Variants in TSPAN9 observed in about 807,000 individuals in gnomAD.
The protein encoded by TSPAN9 is tetraspanin-9.
In TSPAN9, 16 loss-of-function variants were observed where a neutral mutation model predicts 31.0. The observed-to-expected ratio is 0.52, with a 90% CI of 0.35 to 0.78. TSPAN9 has a LOEUF of 0.78. Ranked by LOEUF, TSPAN9 falls within the 30% of genes least tolerant of loss-of-function variation. The pLI, the probability that TSPAN9 is intolerant of heterozygous loss-of-function variation, is 0.01. For missense variants in TSPAN9, 272 were observed against 312.5 expected, an observed-to-expected ratio of 0.87 and a Z score of 0.98; for synonymous variants, 145 against 121.6, an observed-to-expected ratio of 1.19 and a Z score of -1.27.
In TSPAN9 at chr12:3,081,008, G is replaced by A. The variant is rs985560814; in HGVS notation, c.-84-2645G>A. Among the ~76,000 whole-genome samples the A allele has an allele frequency of 5.3e-5, 8 of 152,292 alleles. No homozygotes were observed. In the East Asian group the frequency reaches 5.8e-4, roughly 11 times the overall value. On this transcript the variant is annotated intron_variant, in intron 1 of 8. Coordinates refer to ENST00000011898, the MANE Select transcript of TSPAN9 (RefSeq NM_006675.5). ...GCACTGTTAAGTGAATGAGTGAGTG[G>A]GTTGGGACTTGGGCGGATGCCTTCA...
chr12:3,115,524 A>G (rs1301763302), intron 2 of TSPAN9, among the ~76,000 whole-genome samples: 1 of 152,222 alleles, frequency 6.6e-6, no homozygotes, highest in Non-Finnish European at 1.5e-5. Context: ...GCTTATAAAC[A>G]ATAGGCATTT....
rs554111388 is a variant in TSPAN9 at position 3,167,844 on chromosome 12, G to C, written c.-17-33333G>C. 4.1e-3 allele frequency among the ~76,000 whole-genome samples: 630 copies of C among 152,260 alleles called. 1 individual carries two copies. Among genetic ancestry groups the C allele is most frequent in the Non-Finnish European group, 5.9e-3 (398 of 68,004 alleles). On this transcript the variant is annotated intron_variant, in intron 2 of 8. Transcript: ENST00000011898. ...GGCTGGCATCAGTCTGGCTGGGGGT[G>C]GGGGAGCCTTAGACCACACCTGCAG...
chr12:3,159,958 A>G (rs1026445807), intron 2 of TSPAN9, among the ~76,000 whole-genome samples: 1 of 152,226 alleles, frequency 6.6e-6, no homozygotes, highest in African/African-American at 2.4e-5. Flanking sequence ...ACCTATTTGT[A>G]TATTTAATAT....
In TSPAN9 at chr12:3,147,085, A is replaced by G. The variant is rs1219054496; in HGVS notation, c.-17-54092A>G. Reference sequence around the variant, plus strand: ...GATTTTAAGGTGTTTGATTAAAACTAGCATTCTCTCCCCTTTTCTCCTTAC... The same window carrying G: ...GATTTTAAGGTGTTTGATTAAAACTGGCATTCTCTCCCCTTTTCTCCTTAC... On this transcript the variant is annotated intron_variant, in intron 2 of 8. Coordinates refer to ENST00000011898, the MANE Select transcript of TSPAN9 (RefSeq NM_006675.5). The surrounding 1 kb of genome is among the most constrained non-coding windows in gnomAD (Gnocchi z 4.3). 6.6e-6 allele frequency among the ~76,000 whole-genome samples: 1 copy of G among 152,004 alleles called. No individual in the cohort carries two copies. Among genetic ancestry groups the G allele is most frequent in the Non-Finnish European group, 1.5e-5 (1 of 67,968 alleles).
intron 2 of TSPAN9, among the ~76,000 whole-genome samples, chr12:3,086,047 A>G (rs1230427699): frequency 2.6e-5 from 4 of 152,326 alleles, no homozygotes; most frequent in Non-Finnish European, 5.9e-5. Context: ...TGCCTGAGGC[A>G]GTGAGGAGTA....
intron 3 of TSPAN9, among the ~76,000 whole-genome samples, chr12:3,226,779 TATATA>T (rs2098387932): frequency 2.3e-4 from 2 of 8,734 alleles, no homozygotes; most frequent in Non-Finnish European, 4.7e-4. Flanking sequence ...TATATATATA[TATATA>T]TATATATATA....
At chr12:3,110,781 C>T (rs753170511) in intron 2 of TSPAN9, among the ~76,000 whole-genome samples, 1 of 152,198 alleles carries the variant, frequency 6.6e-6, no homozygotes, top group Non-Finnish European at 1.5e-5. Context: ...TAACTCTGAA[C>T]ATGTTACATA....
chr12:3,086,254 C>A (rs2098300387), intron 2 of TSPAN9, among the ~76,000 whole-genome samples: 2 of 152,124 alleles, frequency 1.3e-5, no homozygotes, highest in Admixed American at 1.3e-4. Flanking sequence ...GATAGAAGAA[C>A]CCCTTTGCTG....
intron 2 of TSPAN9, among the ~76,000 whole-genome samples, chr12:3,137,699 T>C (rs1448106970): frequency 6.6e-6 from 1 of 152,196 alleles, no homozygotes; most frequent in East Asian, 1.9e-4. Context: ...GTAGGTTTGC[T>C]GAGAGGGAAG....
chr12:3,279,784 C>G (rs1423608867), intron 5 of TSPAN9, among the ~76,000 whole-genome samples: 1 of 152,220 alleles, frequency 6.6e-6, no homozygotes, highest in Non-Finnish European at 1.5e-5. Context: ...TAGTTTTGCA[C>G]TCGTGAAAAG....
intron 2 of TSPAN9, among the ~76,000 whole-genome samples, chr12:3,121,685 G>C (rs1285017369): frequency 6.6e-6 from 1 of 151,870 alleles, no homozygotes; most frequent in African/African-American, 2.4e-5. Flanking sequence ...GCTGATGTTG[G>C]CTTTTTAAAG....
chr12:3,123,625 A>T (rs113254663), intron 2 of TSPAN9, among the ~76,000 whole-genome samples: 2,816 of 91,128 alleles, frequency 0.031, 27 homozygotes, highest in Non-Finnish European at 0.047. Context: ...ATTATTATGT[A>T]TTTTTTTTTT....
chr12:3,108,313 G>T (rs1045068928), intron 2 of TSPAN9, among the ~76,000 whole-genome samples: 1 of 152,166 alleles, frequency 6.6e-6, no homozygotes, highest in Non-Finnish European at 1.5e-5. Flanking sequence ...ACACTTCCTT[G>T]ATATTTTGGC....
chr12:3,222,337 T>C (rs970973264), intron 3 of TSPAN9, among the ~76,000 whole-genome samples: 1 of 152,142 alleles, frequency 6.6e-6, no homozygotes, highest in Non-Finnish European at 1.5e-5. Flanking sequence ...ACTTTCAGAG[T>C]CAGGAAGCAG....
intron 3 of TSPAN9, among the ~76,000 whole-genome samples, chr12:3,206,969 A>G (rs778719272): frequency 2.6e-5 from 4 of 152,166 alleles, no homozygotes; most frequent in Non-Finnish European, 5.9e-5. Context: ...TCCAGAGCCT[A>G]TGCCAGGGGA....
At position 3,169,624 on chromosome 12, in the gene TSPAN9, C is replaced by T. The variant is rs113115698; in HGVS notation, c.-17-31553C>T. Among the ~76,000 whole-genome samples, 462 of 152,302 alleles carry T rather than the reference C, an allele frequency of 3.0e-3. 2 individuals carry two copies. Among genetic ancestry groups the T allele is most frequent in the African/African-American group, 0.011 (445 of 41,556 alleles). On this transcript the variant is annotated intron_variant, in intron 2 of 8. Coordinates refer to ENST00000011898, the MANE Select transcript of TSPAN9 (RefSeq NM_006675.5). ...AATAACAAACCCTGTGAACACTCAG[C>T]ACCCTAGGCATCAGTCTGGATGTGG...
chr12:3,241,854 G>A (rs17835600), intron 3 of TSPAN9, among the ~76,000 whole-genome samples: 11,481 of 152,216 alleles, frequency 0.075, 529 homozygotes, highest in Middle Eastern at 0.14. Context: ...TGTCCTGGCC[G>A]AAGATCAGTG....
intron 2 of TSPAN9, 126 bp from the exon 3 acceptor site, chr12:3,201,051 A>T: frequency 1.2e-6 from 1 of 850,200 alleles, no homozygotes; most frequent in Non-Finnish European, 1.9e-6. Context: ...GGCGCCTTCT[A>T]CGGCACCGCG....
chr12:3,236,125 A>C (rs933527506), intron 3 of TSPAN9, among the ~76,000 whole-genome samples: 1 of 152,142 alleles, frequency 6.6e-6, no homozygotes, highest in African/African-American at 2.4e-5. Context: ...TTGGAGAAGA[A>C]CAGTGCACCT....
Sources: allele counts gnomAD v4.1 joint callset (sites outside exome capture counted in the v4.1 genomes callset), GRCh38; gene constraint gnomAD v4.1.1; non-coding constraint Gnocchi (gnomAD v3.1); transcripts MANE v1.5; gene names NCBI Gene and HGNC (gene_info 2026-07-23, HGNC 2026-07-21).